DCHS2: variants seen among roughly 807,000 people sequenced by gnomAD.
The protein encoded by DCHS2 is dachsous cadherin-related 2, also known as protocadherin-23.
Under a neutral mutation model 182.4 loss-of-function variants are expected in DCHS2, and 142 were observed. The ratio of observed to expected loss-of-function variants is 0.78; its 90% CI spans 0.68 to 0.89. DCHS2 has a LOEUF of 0.89. Ranked by LOEUF, DCHS2 falls within the 40% of genes least tolerant of loss-of-function variation. The probability of loss-of-function intolerance (pLI) is 0.00; values close to 1 mark genes in which losing one functional copy is unlikely to be tolerated. For synonymous variants in DCHS2, 1,740 were observed against 1,663.3 expected, an observed-to-expected ratio of 1.05 and a Z score of -1.12; for missense variants, 4,319 against 4,198.6, an observed-to-expected ratio of 1.03 and a Z score of -0.79.
intron 1 of DCHS2, among the ~76,000 whole-genome samples, chr4:154,413,539 C>T (rs140371531): frequency 6.6e-6 from 1 of 152,326 alleles, no homozygotes; most frequent in East Asian, 1.9e-4. Context: ...CCACATGCTC[C>T]ACCTTTCTCC....
rs148470980 is a variant in DCHS2, at chr4:154,459,414, A to G, written c.2052+29890T>C. The stretch of plus-strand genomic sequence containing the variant: ...AAGAAACAAAAGAGACTTTAAAAAA[A>G]TCATCAAAAAATCCAAAAATCAAAG... On this transcript the variant is annotated intron_variant, in intron 1 of 19. Coordinates refer to ENST00000357232, the MANE Select transcript of DCHS2 (RefSeq NM_001358235.2). Among the ~76,000 whole-genome samples the G allele has an allele frequency of 1.2e-3, 188 of 152,316 alleles. 1 individual carries two copies. The highest frequency in any genetic ancestry group is 4.2e-3 in the African/African-American group (176 of 41,580).
At chr4:154,361,170 A>G (rs1385302678) in intron 3 of DCHS2, among the ~76,000 whole-genome samples, 6 of 152,196 alleles carry the variant, frequency 3.9e-5, no homozygotes, top group Admixed American at 3.9e-4. Context: ...GGTTGCCTGA[A>G]TAAAAGAGAT....
At chr4:154,423,596 G>A (rs1431045074) in intron 1 of DCHS2, among the ~76,000 whole-genome samples, 3 of 152,104 alleles carry the variant, frequency 2.0e-5, no homozygotes, top group Non-Finnish European at 2.9e-5. Context: ...CAATTTTGAA[G>A]GCTAAGAATC....
intron 13 of DCHS2, among the ~76,000 whole-genome samples, chr4:154,291,451 A>C (rs1734656725): frequency 6.6e-6 from 1 of 152,178 alleles, no homozygotes; most frequent in Admixed American, 6.5e-5. Flanking sequence ...TAGGTTATAT[A>C]CTTAAAAGAG....
chr4:154,391,526 A>G (rs563105888), intron 1 of DCHS2, among the ~76,000 whole-genome samples: 6 of 152,300 alleles, frequency 3.9e-5, no homozygotes, highest in African/African-American at 1.4e-4. Context: ...AGACTGAGGC[A>G]AAGGAGTGCT....
intron 1 of DCHS2, among the ~76,000 whole-genome samples, chr4:154,396,489 A>G (rs1480504504): frequency 6.6e-6 from 1 of 152,198 alleles, no homozygotes; most frequent in Non-Finnish European, 1.5e-5. Context: ...TGATGGCATT[A>G]TAACTCCAAT....
intron 14 of DCHS2, chr4:154,262,263 A>G (rs1223649160): frequency 6.6e-6 from 1 of 152,168 alleles, no homozygotes; most frequent in East Asian, 1.9e-4. Flanking sequence ...TTTTTGGGGT[A>G]ATAACTGGCA....
At chr4:154,339,010 T>A (rs1041097509) in intron 3 of DCHS2, among the ~76,000 whole-genome samples, 1 of 152,210 alleles carries the variant, frequency 6.6e-6, no homozygotes, top group South Asian at 2.1e-4. Flanking sequence ...TAGATAGATA[T>A]AAAGTGAGAT....
intron 16 of DCHS2, among the ~76,000 whole-genome samples, chr4:154,246,168 T>C (rs1732060366): frequency 6.6e-6 from 1 of 152,152 alleles, no homozygotes; most frequent in Admixed American, 6.6e-5. Flanking sequence ...GGTATTGAGA[T>C]AAAAATAGGA....
At chr4:154,237,270 A>T in intron 19 of DCHS2, 111 bp from the exon 20 acceptor site, 2 of 1,373,534 alleles carry the variant, frequency 1.5e-6, no homozygotes, top group Non-Finnish European at 1.9e-6. Flanking sequence ...TCTTTGTTAG[A>T]TCTGTTAAGT....
At chr4:154,360,056 T>C (rs1416647506) in intron 3 of DCHS2, among the ~76,000 whole-genome samples, 2 of 152,092 alleles carry the variant, frequency 1.3e-5, no homozygotes, top group Non-Finnish European at 2.9e-5. Context: ...TCAGGTTTAC[T>C]ACTGTGTCTT....
intron 1 of DCHS2, among the ~76,000 whole-genome samples, chr4:154,451,359 C>T (rs34042314): frequency 9.2e-5 from 14 of 152,186 alleles, no homozygotes; most frequent in Non-Finnish European, 1.8e-4. Context: ...ACTTACTACG[C>T]TCATCATGAA....
intron 13 of DCHS2, among the ~76,000 whole-genome samples, chr4:154,290,756 C>T (rs1734621886): frequency 6.6e-6 from 1 of 151,996 alleles, no homozygotes; most frequent in African/African-American, 2.4e-5. Flanking sequence ...TAAAACTAGA[C>T]CCCTACCTCT....
chr4:154,408,080 T>A (rs1228889734), intron 1 of DCHS2, among the ~76,000 whole-genome samples: 1 of 152,182 alleles, frequency 6.6e-6, no homozygotes, highest in Non-Finnish European at 1.5e-5. Context: ...GTATTTGATA[T>A]GGAATTAACC....
chr4:154,431,881 A>G (rs1733573700), intron 1 of DCHS2, among the ~76,000 whole-genome samples: 2 of 152,182 alleles, frequency 1.3e-5, no homozygotes, highest in South Asian at 4.1e-4. Flanking sequence ...TTTGGTTCCA[A>G]TGAACATTTA....
At chr4:154,291,394 C>T (rs1341115133) in intron 13 of DCHS2, among the ~76,000 whole-genome samples, 1 of 151,988 alleles carries the variant, frequency 6.6e-6, no homozygotes, top group Non-Finnish European at 1.5e-5. Flanking sequence ...GAAGGTACCT[C>T]AAAAACCTAA....
At chr4:154,299,090 A>G (rs1735094993) in intron 12 of DCHS2, among the ~76,000 whole-genome samples, 1 of 152,214 alleles carries the variant, frequency 6.6e-6, no homozygotes, top group South Asian at 2.1e-4. Flanking sequence ...ATAGATGAGG[A>G]TAAAAAAAAC....
intron 13 of DCHS2, chr4:154,272,275 T>A (rs1158012260): frequency 1.3e-5 from 2 of 150,530 alleles, no homozygotes; most frequent in Non-Finnish European, 3.0e-5. Context: ...GATCAAGGCC[T>A]AAATACCTAC....
intron 1 of DCHS2, among the ~76,000 whole-genome samples, chr4:154,483,204 C>T (rs907670173): frequency 6.6e-6 from 1 of 151,886 alleles, no homozygotes; most frequent in Non-Finnish European, 1.5e-5. Context: ...AGAAGAATTA[C>T]AACCGAACAG....
Sources: gnomAD v4.1 joint callset for allele counts (sites outside exome capture counted in the v4.1 genomes callset) on GRCh38, gnomAD v4.1.1 for gene constraint, MANE v1.5 for transcripts, NCBI Gene and HGNC (gene_info 2026-07-23, HGNC 2026-07-21) for gene names.